The following HELZ2 variants were observed in gnomAD, a reference collection of about 807,000 sequenced individuals.
HELZ2 encodes the protein helicase with zinc finger 2.
In HELZ2, 143 loss-of-function variants were observed where a neutral mutation model predicts 208.8. The ratio of observed to expected loss-of-function variants is 0.68; its 90% CI spans 0.60 to 0.79. The LOEUF (loss-of-function observed/expected upper bound fraction) is 0.79. Among genes scored for constraint, HELZ2 ranks in the 30% least tolerant of loss-of-function variants. The probability of loss-of-function intolerance (pLI) is 0.00; values close to 1 mark genes in which losing one functional copy is unlikely to be tolerated. For synonymous variants in HELZ2, 1,705 were observed against 1,693.7 expected (o/e 1.01, Z -0.16); for missense variants, 3,690 against 3,794.5 (o/e 0.97, Z 0.72).
chr20:63,570,461 C>T, intron 3 of HELZ2, 43 bp downstream of exon 4: 1 of 1,545,394 alleles, frequency 6.5e-7, no homozygotes, highest in Non-Finnish European at 8.9e-7. Context: ...GTCACCACTT[C>T]CCCAGGGCTC....
In HELZ2 at chr20:63,563,511, C is replaced by T. The variant is rs369651267; in HGVS notation, c.5311G>A (p.Val1771Ile). Residue 1771 changes from valine (V) to isoleucine (I), a missense_variant, in exon 8 of 19, where the codon GTC (valine) becomes ATC (isoleucine). Val to Ile is a conservative substitution (Grantham distance 29, BLOSUM62 3). Around this residue, in one of 3 missense-constraint regions of HELZ2, gnomAD observed 2,564 missense variants for 2,580.5 expected, o/e 0.99. Coordinates refer to ENST00000467148, the Ensembl canonical transcript of HELZ2. ...GCCAGCTGCAGGGAGCCGTAGGGGACGGGGCAGGGGTCAGGCAGCGTCTCC... is the reference window on the plus strand; with the variant it reads ...GCCAGCTGCAGGGAGCCGTAGGGGATGGGGCAGGGGTCAGGCAGCGTCTCC... The T allele has an allele frequency of 2.7e-4, 404 of 1,512,704 alleles. No homozygotes were observed. The highest frequency in any genetic ancestry group is 3.3e-4 in the Non-Finnish European group (375 of 1,133,182). The allele number at this position is 1,512,704 out of a possible 1,614,324, so 93.7% of individuals were successfully genotyped here. A position where few individuals can be genotyped will look rare whatever the true frequency, so the allele number is the denominator to read the frequency against.
chr20:63,560,411 C>T, intron 16 of HELZ2, 68 bp downstream of exon 17: 2 of 1,592,940 alleles, frequency 1.3e-6, no homozygotes, highest in Non-Finnish European at 1.7e-6. Flanking sequence ...TCACAAGCAC[C>T]AGACACTCAC....
In HELZ2 at chr20:63,562,065, G is replaced by C; in HGVS notation, c.6529+7C>G. 6.2e-7 allele frequency: 1 copy of C among 1,601,688 alleles called. No homozygotes were observed. The highest frequency in any genetic ancestry group is 1.7e-4 in the Middle Eastern group (1 of 6,024). Reference sequence around the variant, plus strand: ...GCAGCCTGCGGCTCCCCCGGCATGGGCCCTACCTGGTGGGCCCTGAATGAC... The same window carrying C: ...GCAGCCTGCGGCTCCCCCGGCATGGCCCCTACCTGGTGGGCCCTGAATGAC... On this transcript the variant is annotated splice_region_variant and intron_variant, in intron 10 of 18. Transcript: ENST00000467148.
intron 18 of HELZ2, 29 bp from the exon 20 acceptor site, chr20:63,559,399 A>C: frequency 6.5e-7 from 1 of 1,528,556 alleles, no homozygotes; most frequent in Non-Finnish European, 8.9e-7. Flanking sequence ...GATGGGAGTC[A>C]GTCAGGGTCA....
chr20:63,562,135 T>G, exon 10 of HELZ2: 2 of 1,610,050 alleles, frequency 1.2e-6, no homozygotes, highest in Non-Finnish European at 1.7e-6. Flanking sequence ...ACGTTCTGGC[T>G]GGGGTTCAGC....
In HELZ2 at chr20:63,560,781, T is replaced by C; in HGVS notation, c.7281+14A>G. 6.2e-7 allele frequency: 1 copy of C among 1,606,976 alleles called. No homozygotes were observed. Among genetic ancestry groups the C allele is most frequent in the Non-Finnish European group, 8.5e-7 (1 of 1,176,946 alleles). On this transcript the variant is annotated intron_variant, in intron 15 of 18. Coordinates refer to ENST00000467148, the Ensembl canonical transcript of HELZ2. ...GGCTGCAGGTGGGCTGGGGGCTGAGTGGGGCGGGCTCACCATGCGGTACTG... is the reference window on the plus strand; with the variant it reads ...GGCTGCAGGTGGGCTGGGGGCTGAGCGGGGCGGGCTCACCATGCGGTACTG...
At chr20:63,572,194 G>T in exon 1 of HELZ2, 1 of 1,607,930 alleles carries the variant, frequency 6.2e-7, no homozygotes. Context: ...CCATCTGTGC[G>T]TGCTCCGAGG....
chr20:63,569,328 G>C lies in HELZ2; in HGVS notation c.908C>G (p.Pro303Arg). Residue 303 changes from proline to arginine, a missense_variant, in exon 4 of 19, where the codon CCT (proline) becomes CGT (arginine). Transcript: ENST00000467148. Reference sequence around the variant, plus strand: ...CTGCTCGGCCGTCCGCTCCACGCCAGGCACCACGTGGCGGTTGCCAGTGTG... The same window carrying C: ...CTGCTCGGCCGTCCGCTCCACGCCACGCACCACGTGGCGGTTGCCAGTGTG... The C allele has an allele frequency of 1.9e-6, 3 of 1,595,534 alleles. No homozygotes were observed. The highest frequency in any genetic ancestry group is 2.6e-6 in the Non-Finnish European group (3 of 1,170,314).
At chr20:63,560,250 C>G (rs112998390) in exon 17 of HELZ2, 1 of 1,560,932 alleles carries the variant, frequency 6.4e-7, no homozygotes, top group South Asian at 1.2e-5. Context: ...CAGAGGCCTG[C>G]GCGTTGTAGG....
At chr20:63,567,023 G>A (rs138788557) in exon 6 of HELZ2, 3 of 1,611,110 alleles carry the variant, frequency 1.9e-6, no homozygotes, top group Non-Finnish European at 2.5e-6. Context: ...AACATGAGCG[G>A]GTAGTGCCGG....
exon 8 of HELZ2, chr20:63,565,064 T>C (rs987034820): frequency 6.4e-7 from 1 of 1,563,706 alleles, no homozygotes; most frequent in Non-Finnish European, 8.7e-7. Context: ...GGTGAGCCTC[T>C]CAAGCCCCAC....
At chr20:63,572,407 C>T (rs1283185276) in exon 1 of HELZ2, 2 of 1,483,742 alleles carry the variant, frequency 1.3e-6, no homozygotes, top group South Asian at 1.3e-5. Context: ...TGTGTGCAAA[C>T]TGGCAGCGGG....
chr20:63,563,670 G>C (rs766110793), exon 8 of HELZ2: 3 of 1,569,520 alleles, frequency 1.9e-6, no homozygotes. Flanking sequence ...TGATAGCTCT[G>C]GGCAAGTGCG....
chr20:63,568,123 G>A (rs1432210077), intron 5 of HELZ2: 4 of 578,136 alleles, frequency 6.9e-6, no homozygotes, highest in South Asian at 2.3e-5. Context: ...AGCCTTCCCC[G>A]TGACACTCTC....
At chr20:63,566,976 G>A (rs2082967450) in exon 6 of HELZ2, 6 of 1,611,564 alleles carry the variant, frequency 3.7e-6, no homozygotes, top group Non-Finnish European at 4.2e-6. Flanking sequence ...AGGACGCCAT[G>A]GACATGTCCC....
upstream of HELZ2, chr20:63,573,178 CGG>C (rs1456698059): frequency 3.3e-5 from 5 of 152,140 alleles, no homozygotes; most frequent in Non-Finnish European, 7.4e-5. This position sits in a 1 kb window ranked among gnomAD's most constrained non-coding sequence, Gnocchi z 4.9. Context: ...CCTGAGCTCA[CGG>C]GTCCACGCAG....
Position 63,563,976 on chromosome 20 carries a change from C to A in HELZ2, c.4846G>T (p.Glu1616Ter). The change falls in exon 8 of 19, where the codon GAA becomes TAA. Residue 1616 changes from glutamate to a stop codon, truncating the protein, a stop_gained. Coordinates refer to ENST00000467148, the Ensembl canonical transcript of HELZ2. LOFTEE classifies it high-confidence loss of function. ...GTGGTGACCAAGTCCACCATCTGTT[C>A]GTAGTCCTGGGTGCGGGCAGCAAAC... is the stretch of plus-strand genomic sequence containing the variant. 6.2e-7 allele frequency: 1 copy of A among 1,601,032 alleles called. No homozygotes were observed.
At chr20:63,570,461 C>G in intron 3 of HELZ2, 43 bp downstream of exon 4, 2 of 1,545,398 alleles carry the variant, frequency 1.3e-6, no homozygotes, top group Non-Finnish European at 1.8e-6. Flanking sequence ...GTCACCACTT[C>G]CCCAGGGCTC....
intron 4 of HELZ2, 59 bp downstream of exon 5, chr20:63,569,089 C>CGCTCCCATTGCCCCAGCT: frequency 6.3e-7 from 1 of 1,584,390 alleles, no homozygotes; most frequent in Non-Finnish European, 8.6e-7. Context: ...TTGCCCCAGC[C>CGCTCCCATTGCCCCAGCT]GCTCCCATTG....
Sources: allele counts gnomAD v4.1 joint callset, GRCh38; gene constraint gnomAD v4.1.1; regional missense constraint gnomAD v4.1.1; non-coding constraint Gnocchi (gnomAD v3.1); transcripts MANE v1.5; gene names NCBI Gene and HGNC (gene_info 2026-07-23, HGNC 2026-07-21).